CFAP221: variants seen among roughly 807,000 people sequenced by gnomAD.
CFAP221 encodes the protein cilia and flagella associated protein 221.
A neutral mutation model predicts 113.1 loss-of-function variants in CFAP221; 97 were observed. The observed-to-expected ratio is 0.86, with a 90% CI of 0.73 to 1.02. The LOEUF is 1.02. Ranked by LOEUF, CFAP221 falls within the 50% of genes least tolerant of loss-of-function variation. CFAP221 has a pLI of 0.00. For synonymous variants in CFAP221, 331 were observed against 354.4 expected, an observed-to-expected ratio of 0.93 and a Z score of 0.74; for missense variants, 1,025 against 1,013.4, an observed-to-expected ratio of 1.01 and a Z score of -0.16.
rs75674801 is a variant in CFAP221, at chr2:119,617,895, C to T, written c.1410+2186C>T. On this transcript the variant is annotated intron_variant, in intron 14 of 23. Coordinates refer to ENST00000413369, the MANE Select transcript of CFAP221 (RefSeq NM_001271049.2). ...TCCTTTAAACATGTCTCCTTTGTTC[C>T]GGCATCAGGACCTCTGCACTGGCTA... 2.6e-4 allele frequency among the ~76,000 whole-genome samples: 39 copies of T among 152,320 alleles called. No individual in the cohort carries two copies. The East Asian group carries it at 6.6e-3, about 26-fold the overall frequency.
chr2:119,598,541 G>A (rs1000071478), intron 7 of CFAP221, among the ~76,000 whole-genome samples: 1 of 152,168 alleles, frequency 6.6e-6, no homozygotes, highest in Non-Finnish European at 1.5e-5. Context: ...TATGTTAAGG[G>A]TGGTGATCTG....
At chr2:119,547,661 C>T (rs1426195201) in intron 2 of CFAP221, among the ~76,000 whole-genome samples, 1 of 152,152 alleles carries the variant, frequency 6.6e-6, no homozygotes, top group African/African-American at 2.4e-5. Flanking sequence ...TAATAACCTA[C>T]AGAGATCGTC....
chr2:119,598,854 C>A (rs750345328), intron 7 of CFAP221, among the ~76,000 whole-genome samples: 1 of 152,170 alleles, frequency 6.6e-6, no homozygotes, highest in African/African-American at 2.4e-5. Context: ...ATAAATCAGC[C>A]GGGTCAAGGC....
At position 119,594,992 on chromosome 2, in the gene CFAP221, T is replaced by G. The variant is rs1305573426; in HGVS notation, c.632-6226T>G. On this transcript the variant is annotated intron_variant, in intron 7 of 23. Transcript: ENST00000413369. ...AACATCTCCCATCTCTGCTCAGTGGTCACAAGGGCTGGTGGCTCCCAGGAG... is the reference window on the plus strand; with the variant it reads ...AACATCTCCCATCTCTGCTCAGTGGGCACAAGGGCTGGTGGCTCCCAGGAG... Among the ~76,000 whole-genome samples, 11 of 152,296 alleles carry G rather than the reference T, an allele frequency of 7.2e-5. No individual in the cohort carries two copies. In the South Asian group the frequency reaches 2.1e-3, roughly 29 times the overall value.
chr2:119,650,123 A>T (rs1032415114), intron 22 of CFAP221, among the ~76,000 whole-genome samples: 1 of 152,140 alleles, frequency 6.6e-6, no homozygotes, highest in Non-Finnish European at 1.5e-5. Flanking sequence ...CACCATATAT[A>T]CTCAAAAATA....
intron 2 of CFAP221, among the ~76,000 whole-genome samples, chr2:119,547,232 G>A (rs201220794): frequency 6.6e-6 from 1 of 152,180 alleles, no homozygotes; most frequent in East Asian, 1.9e-4. Context: ...TATCTACTTC[G>A]TGGATCTAAA....
downstream of CFAP221, chr2:119,660,245 A>G (rs1688561698): frequency 6.6e-6 from 1 of 152,238 alleles, no homozygotes; most frequent in African/African-American, 2.4e-5. Context: ...TGGTTGCCAC[A>G]AGAAAGGCCT....
intron 19 of CFAP221, among the ~76,000 whole-genome samples, chr2:119,634,851 A>G (rs540487752): frequency 4.1e-4 from 62 of 152,354 alleles, no homozygotes; most frequent in Admixed American, 7.8e-4. Flanking sequence ...CAATAGGCAT[A>G]AAGTTGCAGT....
chr2:119,647,075 G>A (rs555037290), intron 22 of CFAP221, 25 bp downstream of exon 22: 18 of 1,578,024 alleles, frequency 1.1e-5, no homozygotes, highest in Non-Finnish European at 1.6e-5. Context: ...TTTAATCTTT[G>A]GCCTCTAATG....
At chr2:119,577,594 A>T (rs907521828) in intron 6 of CFAP221, among the ~76,000 whole-genome samples, 2 of 152,140 alleles carry the variant, frequency 1.3e-5, no homozygotes, top group Non-Finnish European at 2.9e-5. Context: ...CCACTTCACC[A>T]TTTATTAACC....
rs999236040 is a variant in CFAP221, at chr2:119,595,088, G to A, written c.632-6130G>A. On this transcript the variant is annotated intron_variant, in intron 7 of 23. Coordinates refer to ENST00000413369, the MANE Select transcript of CFAP221 (RefSeq NM_001271049.2). ...CCCTCCCTACCAGGTCACTTTCAGC[G>A]CCTTCTGAACTGGGTCCAAGGTCAC... is the stretch of plus-strand genomic sequence containing the variant. Among the ~76,000 whole-genome samples the A allele has an allele frequency of 5.9e-5, 9 of 152,318 alleles. No individual in the cohort carries two copies. In the South Asian group the frequency reaches 6.2e-4, roughly 11 times the overall value.
chr2:119,616,532 G>A (rs1685539011), intron 14 of CFAP221, among the ~76,000 whole-genome samples: 1 of 152,088 alleles, frequency 6.6e-6, no homozygotes, highest in African/African-American at 2.4e-5. Context: ...CCTCATGCTG[G>A]TCCTCCAGTG....
intron 6 of CFAP221, among the ~76,000 whole-genome samples, chr2:119,581,553 ATGAAGGGAAAT>A (rs1682846192): frequency 6.6e-6 from 1 of 152,248 alleles, no homozygotes; most frequent in Admixed American, 6.5e-5. Context: ...TACATTTTAC[ATGAAGGGAAAT>A]TAGGGGGTAC....
chr2:119,626,732 G>A (rs760154447), intron 15 of CFAP221, among the ~76,000 whole-genome samples: 3 of 151,868 alleles, frequency 2.0e-5, no homozygotes, highest in African/African-American at 7.3e-5. Context: ...CCAGGAGTTC[G>A]AGACAAGCCT....
At chr2:119,643,937 G>C (rs1292383489) in intron 21 of CFAP221, among the ~76,000 whole-genome samples, 1 of 151,914 alleles carries the variant, frequency 6.6e-6, no homozygotes, top group Non-Finnish European at 1.5e-5. Context: ...AGGATCACTT[G>C]AGGTCAGGAG....
intron 7 of CFAP221, among the ~76,000 whole-genome samples, chr2:119,591,828 C>G (rs1034944481): frequency 6.6e-6 from 1 of 152,178 alleles, no homozygotes; most frequent in African/African-American, 2.4e-5. Flanking sequence ...TGATCGACAG[C>G]AGGCACTTCT....
At chr2:119,609,958 C>A (rs974070306) in intron 12 of CFAP221, among the ~76,000 whole-genome samples, 2 of 152,100 alleles carry the variant, frequency 1.3e-5, no homozygotes, top group African/African-American at 4.8e-5. Flanking sequence ...ATTGGTAAAT[C>A]TTTGCATTTA....
intron 17 of CFAP221, 116 bp downstream of exon 17, chr2:119,630,071 C>A: frequency 1.2e-6 from 1 of 843,830 alleles, no homozygotes; most frequent in Non-Finnish European, 1.8e-6. Context: ...GACTGTGTGG[C>A]ACACTCTACT....
chr2:119,629,907 G>A lies in CFAP221; in HGVS notation c.1683G>A (p.Lys561=), dbSNP rs148281162. ...APDGLGLVPI[K]SSEVQIKQSY... ...ATGGCCTTGGACTGGTCCCAATTAAGTCTTCAGAAGTTCAAATCAAGCAGA... is the reference window on the plus strand; with the variant it reads ...ATGGCCTTGGACTGGTCCCAATTAAATCTTCAGAAGTTCAAATCAAGCAGA... Residue 561 remains lysine (K), a synonymous_variant, in exon 17 of 24, where the codon AAG becomes AAA. Transcript: ENST00000413369. 1.5e-5 allele frequency: 24 copies of A among 1,613,782 alleles called. No homozygotes were observed. The African/African-American group carries it at 3.1e-4, about 21-fold the overall frequency.
Sources: allele counts gnomAD v4.1 joint callset (sites outside exome capture counted in the v4.1 genomes callset), GRCh38; gene constraint gnomAD v4.1.1; transcripts MANE v1.5; gene names NCBI Gene and HGNC (gene_info 2026-07-23, HGNC 2026-07-21).